MRPL46: variants seen among roughly 807,000 people sequenced by gnomAD.
MRPL46 encodes mitochondrial ribosomal protein L46.
Under a neutral mutation model 31.0 loss-of-function variants are expected in MRPL46, and 26 were observed. The observed-to-expected ratio is 0.84, with a 90% CI of 0.61 to 1.16. The LOEUF (loss-of-function observed/expected upper bound fraction) is 1.16, where lower values mean the gene tolerates loss of function less well. Among genes scored for constraint, MRPL46 ranks in the 50% most tolerant of loss-of-function variants. MRPL46 has a pLI of 0.00. For missense variants in MRPL46, 395 were observed against 340.0 expected, an observed-to-expected ratio of 1.16 and a Z score of -1.27; for synonymous variants, 159 against 141.3, an observed-to-expected ratio of 1.13 and a Z score of -0.89.
chr15:88,461,762 T>C (rs1032966804), intron 3 of MRPL46: 2 of 152,222 alleles, frequency 1.3e-5, no homozygotes, highest in African/African-American at 4.8e-5. Context: ...AATTTGCCCA[T>C]GTGAGCAAAG....
chr15:88,465,509 G>A, intron 2 of MRPL46, 78 bp downstream of exon 2: 2 of 1,387,006 alleles, frequency 1.4e-6, no homozygotes, highest in Non-Finnish European at 1.9e-6. Flanking sequence ...ACAAAGCAGG[G>A]GCCAAGCAAC....
rs1300392158 is a variant in MRPL46, at chr15:88,463,414, A to T, written c.589+1289T>A. On this transcript the variant is annotated intron_variant, in intron 3 of 3. Coordinates refer to ENST00000312475, the MANE Select transcript of MRPL46 (RefSeq NM_022163.4). The surrounding 1 kb of genome is among the most constrained non-coding windows in gnomAD (Gnocchi z 5.4). ...GGAAGTCAAAATTCTGACTAGGGAG[A>T]AAAATGTGTTAGTAAACAATTATAG... 1 of 152,254 alleles carries T rather than the reference A, an allele frequency of 6.6e-6. No homozygotes were observed. The highest frequency in any genetic ancestry group is 1.9e-4 in the East Asian group (1 of 5,208). 9.4% of individuals were successfully genotyped at this position (152,254 alleles called of 1,614,324 possible).
In MRPL46 at chr15:88,467,089, A is replaced by C; in HGVS notation, c.228+61T>G. ...CGTATACTTAAGTTCAGAGAGGTGA[A>C]ATTACTCGCTCAAAGTCACGCAGAA... On this transcript the variant is annotated intron_variant, in intron 1 of 3. Coordinates refer to ENST00000312475, the MANE Select transcript of MRPL46 (RefSeq NM_022163.4). 2.6e-6 allele frequency: 4 copies of C among 1,568,508 alleles called. No homozygotes were observed. The South Asian group carries it at 4.5e-5, about 18-fold the overall frequency.
At chr15:88,465,006 C>T (rs2055510620) in intron 2 of MRPL46, 130 bp from the exon 3 acceptor site, 5 of 972,022 alleles carry the variant, frequency 5.1e-6, no homozygotes, top group East Asian at 2.7e-5. Flanking sequence ...AATTACACCT[C>T]GACCCATCTC....
In MRPL46 at chr15:88,467,281, C is replaced by G. The variant is rs2055553587; in HGVS notation, c.97G>C (p.Ala33Pro). The stretch of plus-strand genomic sequence containing the variant: ...TTGCTTGAGGGTGCGGCTGCAAGAG[C>G]CAGGCTGCGAGAGCTTAGACTGCCG... ...WAGSLSSRSL[A>P]LAAAPSSNGS... Residue 33 changes from alanine (A) to proline (P), a missense_variant, in exon 1 of 4, where the codon GCT (alanine) becomes CCT (proline). By Grantham distance (27) the Ala-to-Pro change is conservative. Transcript: ENST00000312475. The G allele has an allele frequency of 6.2e-7, 1 of 1,613,566 alleles. No homozygotes were observed. The highest frequency in any genetic ancestry group is 2.2e-5 in the East Asian group (1 of 44,858).
intron 3 of MRPL46, chr15:88,461,420 C>G (rs1309881165): frequency 1.3e-5 from 2 of 151,794 alleles, no homozygotes; most frequent in African/African-American, 2.4e-5. Flanking sequence ...AAAAAAACAA[C>G]AAATTAAAAA....
intron 3 of MRPL46, 96 bp from the exon 4 acceptor site, chr15:88,459,959 C>G: frequency 6.8e-7 from 1 of 1,481,266 alleles, no homozygotes; most frequent in South Asian, 1.3e-5. Context: ...CCTGCAAGAT[C>G]TGGCCCTGAG....
Position 88,466,813 on chromosome 15 carries a change from T to C in MRPL46, c.228+337A>G, listed in dbSNP as rs149996233. Among the ~76,000 whole-genome samples the C allele has an allele frequency of 2.7e-3, 414 of 152,280 alleles. 1 individual carries two copies. The highest frequency in any genetic ancestry group is 4.8e-3 in the Non-Finnish European group (328 of 68,000). The stretch of plus-strand genomic sequence containing the variant: ...ATCTGACAGATGTGCCCACCGCCTC[T>C]TGTATTTCCTTCTTAACATTCATCA... On this transcript the variant is annotated intron_variant, in intron 1 of 3. Coordinates refer to ENST00000312475, the MANE Select transcript of MRPL46 (RefSeq NM_022163.4).
Position 88,464,775 on chromosome 15 carries a change from G to A in MRPL46, c.517C>T (p.Leu173=). 1 of 1,614,170 alleles carries A rather than the reference G, an allele frequency of 6.2e-7. No individual in the cohort carries two copies. The highest frequency in any genetic ancestry group is 1.1e-5 in the South Asian group (1 of 91,080). The change falls in exon 3 of 4, where the codon CTG becomes TTG. Residue 173 remains leucine (L), a synonymous_variant. Transcript: ENST00000312475. The part of the protein sequence containing the change: ...EKFGDQDVWI[L]PQAEWQPGET... ...CCAGGCTGCCACTCTGCCTGGGGCA[G>A]TATCCAAACATCCTGGTCTCCAAAC...
intron 2 of MRPL46, chr15:88,465,185 T>C (rs750154834): frequency 2.6e-4 from 108 of 413,108 alleles, no homozygotes; most frequent in Non-Finnish European, 4.1e-4. Context: ...TTGATACTAT[T>C]ACTGACTTAA....
At position 88,467,370 on chromosome 15, in the gene MRPL46, G is replaced by A. The variant is rs750304273; in HGVS notation, c.8C>T (p.Ala3Val). ...CCCTAACAGCGTCCGCCTTACGGGC[G>A]CCGCCATCTTTCGTTCTCCCACAAT... Reference protein sequence around the residue: MAAPVRRTLLGVA... With the variant: MAVPVRRTLLGVA... The change falls in exon 1 of 4, where the codon GCG becomes GTG. Residue 3 changes from alanine (A) to valine (V), a missense_variant. Ala to Val is a moderately conservative substitution (Grantham distance 64, BLOSUM62 0). Transcript: ENST00000312475. The A allele has an allele frequency of 2.5e-6, 4 of 1,573,260 alleles. No individual in the cohort carries two copies. Among genetic ancestry groups the A allele is most frequent in the Non-Finnish European group, 2.6e-6 (3 of 1,158,890 alleles).
At chr15:88,461,008 A>T (rs1204812976) in intron 3 of MRPL46, 1 of 152,182 alleles carries the variant, frequency 6.6e-6, no homozygotes, top group African/African-American at 2.4e-5. Flanking sequence ...CCCAAAGTGC[A>T]GGGCATATTT....
Position 88,465,613 on chromosome 15 carries a change from T to A in MRPL46, c.389A>T (p.Gln130Leu). The A allele has an allele frequency of 1.2e-6, 2 of 1,611,516 alleles. No individual in the cohort carries two copies. The highest frequency in any genetic ancestry group is 2.2e-5 in the South Asian group (2 of 90,458). Residue 130 changes from glutamine (Q) to leucine (L), a missense_variant, in exon 2 of 4, where the codon CAG becomes CTG. By Grantham distance (113) the Gln-to-Leu change is moderately radical. Transcript: ENST00000312475. Reference protein sequence around the residue: ...LEDMWEQKFLQFKLGARITEA... With the variant: ...LEDMWEQKFLLFKLGARITEA... Reference sequence around the variant, plus strand: ...TGTTATGCGAGCTCCAAGTTTGAACTGTAGAAATTTCTGCTCCCACATATC... The same window carrying A: ...TGTTATGCGAGCTCCAAGTTTGAACAGTAGAAATTTCTGCTCCCACATATC...
rs376310802 is a variant in MRPL46 at position 88,465,613 on chromosome 15, T to C, written c.389A>G (p.Gln130Arg). 4 of 1,611,516 alleles carry C rather than the reference T, an allele frequency of 2.5e-6. No individual in the cohort carries two copies. The highest frequency in any genetic ancestry group is 3.4e-6 in the Non-Finnish European group (4 of 1,179,278). Reference protein sequence around the residue: ...LEDMWEQKFLQFKLGARITEA... With the variant: ...LEDMWEQKFLRFKLGARITEA... ...TGTTATGCGAGCTCCAAGTTTGAAC[T>C]GTAGAAATTTCTGCTCCCACATATC... is the stretch of plus-strand genomic sequence containing the variant. The change falls in exon 2 of 4, where the codon CAG (glutamine) becomes CGG (arginine). Residue 130 changes from glutamine (Q) to arginine (R), a missense_variant. Physicochemically the swap from Gln to Arg is conservative, Grantham distance 43. Transcript: ENST00000312475.
chr15:88,463,943 T>C lies in MRPL46; in HGVS notation c.589+760A>G, dbSNP rs2055498817. On this transcript the variant is annotated intron_variant, in intron 3 of 3. Coordinates refer to ENST00000312475, the MANE Select transcript of MRPL46 (RefSeq NM_022163.4). The surrounding 1 kb of genome is among the most constrained non-coding windows in gnomAD (Gnocchi z 5.4). ...GGGATGTGTGTTTCAGAAAGCTCAT[T>C]TTGGCAGCACTGAAGGGCACTCCAC... 6.6e-6 allele frequency: 1 copy of C among 152,192 alleles called. No individual in the cohort carries two copies. Among genetic ancestry groups the C allele is most frequent in the Admixed American group, 6.5e-5 (1 of 15,284 alleles). The allele number at this position is 152,192 out of a possible 1,614,324, so 9.4% of individuals were successfully genotyped here.
At position 88,467,284 on chromosome 15, in the gene MRPL46, G is replaced by A. The variant is rs2055553710; in HGVS notation, c.94C>T (p.Leu32=). ...LWAGSLSSRS[L]ALAAAPSSNG... ...CTTGAGGGTGCGGCTGCAAGAGCCA[G>A]GCTGCGAGAGCTTAGACTGCCGGCC... Residue 32 remains leucine, a synonymous_variant, in exon 1 of 4, where the codon CTG becomes TTG. Coordinates refer to ENST00000312475, the MANE Select transcript of MRPL46 (RefSeq NM_022163.4). The A allele has an allele frequency of 1.2e-6, 2 of 1,613,432 alleles. No individual in the cohort carries two copies. The highest frequency in any genetic ancestry group is 1.1e-5 in the South Asian group (1 of 91,016).
intron 3 of MRPL46, 43 bp downstream of exon 3, chr15:88,464,660 T>C: frequency 6.4e-7 from 1 of 1,562,884 alleles, no homozygotes; most frequent in Non-Finnish European, 8.7e-7. Context: ...TGGCTGAGTC[T>C]GAAGTGAATT....
Position 88,465,757 on chromosome 15 carries a change from C to G in MRPL46, c.245G>C (p.Ser82Thr), listed in dbSNP as rs1435630723. ...ACGAAGCTCGTGGTCTGAATACAGG[C>G]TTCTCTCTATCTCAATCTGGGAAAA... ...SLLQQIEIER[S>T]LYSDHELRAL... Residue 82 changes from serine to threonine, a missense_variant, in exon 2 of 4, where the codon AGC becomes ACC. By Grantham distance (58) the Ser-to-Thr change is moderately conservative. Coordinates refer to ENST00000312475, the MANE Select transcript of MRPL46 (RefSeq NM_022163.4). The G allele has an allele frequency of 6.3e-7, 1 of 1,595,070 alleles. No homozygotes were observed. The highest frequency in any genetic ancestry group is 8.5e-7 in the Non-Finnish European group (1 of 1,174,864).
chr15:88,460,999 C>T (rs2055472943), intron 3 of MRPL46: 8 of 152,104 alleles, frequency 5.3e-5, no homozygotes, highest in Admixed American at 5.2e-4. Flanking sequence ...CCTCGGCCTC[C>T]CAAAGTGCAG....
Sources: allele counts gnomAD v4.1 joint callset (sites outside exome capture counted in the v4.1 genomes callset), GRCh38; gene constraint gnomAD v4.1.1; non-coding constraint Gnocchi (gnomAD v3.1); transcripts MANE v1.5; gene names NCBI Gene and HGNC (gene_info 2026-07-23, HGNC 2026-07-21).